Variants in UPF2 observed in about 807,000 individuals in gnomAD.
UPF2 encodes UPF2 regulator of nonsense mediated mRNA decay.
A neutral mutation model predicts 141.4 loss-of-function variants in UPF2; 17 were observed. The observed-to-expected ratio is 0.12, with a 90% CI of 0.08 to 0.18. The LOEUF is 0.18. Among genes scored for constraint, UPF2 ranks in the 10% least tolerant of loss-of-function variants. UPF2 has a pLI of 1.00. For synonymous variants in UPF2, 540 were observed against 498.0 expected, an observed-to-expected ratio of 1.08 and a Z score of -1.12; for missense variants, 1,152 against 1,515.9, an observed-to-expected ratio of 0.76 and a Z score of 3.99.
At chr10:12,038,014 C>T (rs568271321) in intron 1 of UPF2, among the ~76,000 whole-genome samples, 1 of 152,068 alleles carries the variant, frequency 6.6e-6, no homozygotes, top group Non-Finnish European at 1.5e-5. Context: ...TTGACAGTGA[C>T]ACCTAATAGC....
chr10:12,028,215 CA>C (rs1834454371), intron 3 of UPF2, among the ~76,000 whole-genome samples: 1 of 152,150 alleles, frequency 6.6e-6, no homozygotes, highest in African/African-American at 2.4e-5. Flanking sequence ...AAGACTCCTA[CA>C]AATGAGTTTT....
chr10:12,026,927 A>G lies in UPF2; in HGVS notation c.1145+1818T>C, dbSNP rs191286348. Reference sequence around the variant, plus strand: ...CTTGGCCTCCCAAAGTGCTGGGATTACAGGTGTGAGCCACCATTTCCAGCC... The same window carrying G: ...CTTGGCCTCCCAAAGTGCTGGGATTGCAGGTGTGAGCCACCATTTCCAGCC... On this transcript the variant is annotated intron_variant, in intron 3 of 21. Coordinates refer to ENST00000357604, the MANE Select transcript of UPF2 (RefSeq NM_015542.4). 3.8e-3 allele frequency among the ~76,000 whole-genome samples: 586 copies of G among 152,342 alleles called. 2 individuals carry two copies. The highest frequency in any genetic ancestry group is 0.014 in the African/African-American group (564 of 41,578).
chr10:11,983,850 T>C (rs1038144229), intron 8 of UPF2, among the ~76,000 whole-genome samples: 2 of 152,226 alleles, frequency 1.3e-5, no homozygotes, highest in Non-Finnish European at 2.9e-5. Flanking sequence ...ACAAGCGATA[T>C]TATTTCTTCC....
intron 3 of UPF2, among the ~76,000 whole-genome samples, chr10:12,024,957 A>C (rs997377904): frequency 2.1e-5 from 3 of 146,280 alleles, no homozygotes; most frequent in Admixed American, 6.9e-5. Flanking sequence ...AAAAAAAAAA[A>C]CACAGCTACT....
At chr10:12,022,231 G>A (rs1419131713) in intron 3 of UPF2, among the ~76,000 whole-genome samples, 2 of 151,856 alleles carry the variant, frequency 1.3e-5, no homozygotes, top group African/African-American at 4.8e-5. Flanking sequence ...GGGCAACATG[G>A]TGAAACCCTG....
intron 3 of UPF2, among the ~76,000 whole-genome samples, chr10:12,022,424 AG>A (rs1485193252): frequency 0.1 from 6,843 of 68,492 alleles, 192 homozygotes; most frequent in Non-Finnish European, 0.22. Context: ...AAAAAAAAAA[AG>A]AAAAAAATTA....
chr10:12,003,396 G>A (rs1351996209), intron 5 of UPF2, among the ~76,000 whole-genome samples: 1 of 152,222 alleles, frequency 6.6e-6, no homozygotes, highest in African/African-American at 2.4e-5. Context: ...ATAGGGTATG[G>A]TGGGAGAGGG....
At chr10:12,022,105 A>G (rs1252940461) in intron 3 of UPF2, among the ~76,000 whole-genome samples, 2 of 151,544 alleles carry the variant, frequency 1.3e-5, no homozygotes. Flanking sequence ...GCGCCACTGC[A>G]CTCCAGCCTG....
chr10:12,010,404 A>G (rs1834106504), intron 4 of UPF2, among the ~76,000 whole-genome samples: 1 of 152,266 alleles, frequency 6.6e-6, no homozygotes, highest in South Asian at 2.1e-4. Context: ...AAGATTGAAC[A>G]TGTCAGATAC....
Position 11,942,330 on chromosome 10 carries a change from G to A in UPF2, c.3378+335C>T, listed in dbSNP as rs533064878. 3.9e-5 allele frequency among the ~76,000 whole-genome samples: 6 copies of A among 152,052 alleles called. No individual in the cohort carries two copies. The East Asian group carries it at 1.2e-3, about 29-fold the overall frequency. On this transcript the variant is annotated intron_variant, in intron 18 of 21. Coordinates refer to ENST00000357604, the MANE Select transcript of UPF2 (RefSeq NM_015542.4). ...AGAGGTTGCAGTGAGCTGAGATCGT[G>A]CCACTGCACTCCAGCCTGGGCAACA...
Position 11,921,061 on chromosome 10 carries a change from C to G in UPF2, c.*237G>C, listed in dbSNP as rs370818040. The G allele has an allele frequency of 9.4e-6, 7 of 744,658 alleles. No homozygotes were observed. The African/African-American group carries it at 1.2e-4, about 13-fold the overall frequency. The allele number at this position is 744,658 out of a possible 1,614,324, so 46.1% of individuals were successfully genotyped here. A position where few individuals can be genotyped will look rare whatever the true frequency, so the allele number is the denominator to read the frequency against. On this transcript the variant is annotated 3_prime_UTR_variant, in exon 22 of 22. Transcript: ENST00000357604. The surrounding 1 kb of genome is among the most constrained non-coding windows in gnomAD (Gnocchi z 5.9). ...TGCCATTCTCAAGAGAAGATTAACCCTCGCGAGATTTCCATTACAAAAGGC... is the reference window on the plus strand; with the variant it reads ...TGCCATTCTCAAGAGAAGATTAACCGTCGCGAGATTTCCATTACAAAAGGC...
intron 5 of UPF2, 103 bp from the exon 6 acceptor site, chr10:12,001,928 C>G (rs898498390): frequency 1.9e-6 from 2 of 1,062,524 alleles, no homozygotes; most frequent in South Asian, 3.8e-5. Context: ...CTTTTAGAAG[C>G]TGCATGTATA....
chr10:12,014,632 C>CA lies in UPF2; in HGVS notation c.1146-449dup, dbSNP rs1447008912. On this transcript the variant is annotated intron_variant, in intron 3 of 21. Transcript: ENST00000357604. The surrounding 1 kb of genome is among the most constrained non-coding windows in gnomAD (Gnocchi z 5.0). ...ATTTAACAATATATCACAAAATAAT[C>CA]AAAAATTATTTGGTTTTTTATTACT... Among the ~76,000 whole-genome samples, 3 of 152,182 alleles carry CA rather than the reference C, an allele frequency of 2.0e-5. No homozygotes were observed. In the East Asian group the frequency reaches 5.8e-4, roughly 29 times the overall value.
chr10:11,950,145 G>A lies in UPF2; in HGVS notation c.3035-1637C>T, dbSNP rs534595038. ...TATGGAATATTGGTATTGCTTTCTT[G>A]GTTTTTTAAAAATTACTGTCATGAA... On this transcript the variant is annotated intron_variant, in intron 15 of 21. Transcript: ENST00000357604. Among the ~76,000 whole-genome samples the A allele has an allele frequency of 5.3e-5, 8 of 151,912 alleles. No individual in the cohort carries two copies. The South Asian group carries it at 1.7e-3, about 32-fold the overall frequency.
rs903905446 is a variant in UPF2 at position 11,998,897 on chromosome 10, C to G, written c.1758+1009G>C. On this transcript the variant is annotated intron_variant, in intron 7 of 21. Transcript: ENST00000357604. The surrounding 1 kb of genome is among the most constrained non-coding windows in gnomAD (Gnocchi z 4.5). The stretch of plus-strand genomic sequence containing the variant: ...AAGATTAGCTGGGCGTGGTGGTGCA[C>G]GCCTGTAGTCCCAGCTACTCAGGAG... Among the ~76,000 whole-genome samples the G allele has an allele frequency of 5.3e-5, 8 of 151,798 alleles. No individual in the cohort carries two copies. Among genetic ancestry groups the G allele is most frequent in the Non-Finnish European group, 1.0e-4 (7 of 67,918 alleles).
At chr10:11,973,681 G>A (rs1315445474) in intron 9 of UPF2, among the ~76,000 whole-genome samples, 1 of 152,150 alleles carries the variant, frequency 6.6e-6, no homozygotes, top group Non-Finnish European at 1.5e-5. Flanking sequence ...GTTTGCCAAA[G>A]ATCAGATGGT....
At chr10:12,024,418 T>C (rs1164881711) in intron 3 of UPF2, among the ~76,000 whole-genome samples, 1 of 152,070 alleles carries the variant, frequency 6.6e-6, no homozygotes, top group African/African-American at 2.4e-5. Context: ...GAGACGAGCC[T>C]GGGCAACATG....
At chr10:11,929,148 A>G (rs1832751288) in intron 21 of UPF2, among the ~76,000 whole-genome samples, 1 of 152,204 alleles carries the variant, frequency 6.6e-6, no homozygotes, top group Non-Finnish European at 1.5e-5. Flanking sequence ...CTGTGTCTCA[A>G]AAAATAAATA....
At chr10:12,032,216 C>G (rs988369700) in intron 2 of UPF2, among the ~76,000 whole-genome samples, 4 of 151,684 alleles carry the variant, frequency 2.6e-5, no homozygotes, top group African/African-American at 9.7e-5. Context: ...ATGGCTTGAA[C>G]CTGGGAGGTG....
Sources: gnomAD v4.1 joint callset for allele counts (sites outside exome capture counted in the v4.1 genomes callset) on GRCh38, gnomAD v4.1.1 for gene constraint, Gnocchi (gnomAD v3.1) non-coding constraint, MANE v1.5 for transcripts, NCBI Gene and HGNC (gene_info 2026-07-23, HGNC 2026-07-21) for gene names.